The following DAB1 variants were observed in gnomAD, a reference collection of about 807,000 sequenced individuals.
The protein encoded by DAB1 is disabled homolog 1.
Under a neutral mutation model 64.6 loss-of-function variants are expected in DAB1, and 15 were observed. The ratio of observed to expected loss-of-function variants is 0.23; its 90% CI spans 0.16 to 0.36. DAB1 has a LOEUF of 0.36. Among genes scored for constraint, DAB1 ranks in the 10% least tolerant of loss-of-function variants. DAB1 has a pLI of 1.00. For synonymous variants in DAB1, 235 were observed against 251.9 expected, an observed-to-expected ratio of 0.93 and a Z score of 0.64; for missense variants, 596 against 706.7, an observed-to-expected ratio of 0.84 and a Z score of 1.78.
chr1:58,369,970 T>C (rs1328528556), intron 3 of DAB1, among the ~76,000 whole-genome samples: 2 of 152,248 alleles, frequency 1.3e-5, no homozygotes, highest in Non-Finnish European at 1.5e-5. Context: ...AAAGTATAAA[T>C]TGTTGTAGCA....
intron 1 of DAB1, among the ~76,000 whole-genome samples, chr1:57,365,566 C>T (rs963127008): frequency 6.6e-6 from 1 of 151,660 alleles, no homozygotes; most frequent in African/African-American, 2.4e-5. Flanking sequence ...ACATTAAACC[C>T]CATAACAGTT....
At chr1:57,143,519 A>G (rs1329492898) in intron 3 of DAB1, among the ~76,000 whole-genome samples, 2 of 152,200 alleles carry the variant, frequency 1.3e-5, no homozygotes, top group Admixed American at 6.5e-5. Flanking sequence ...GCCTTTTTCT[A>G]GTATACTTTA....
intron 7 of DAB1, among the ~76,000 whole-genome samples, chr1:57,450,723 C>G (rs1280852192): frequency 6.6e-6 from 1 of 152,076 alleles, no homozygotes; most frequent in Admixed American, 6.5e-5. Flanking sequence ...ACACATAAAC[C>G]TTCTTTGTTG....
chr1:57,980,912 T>TACAC (rs145692183), intron 5 of DAB1, among the ~76,000 whole-genome samples: 3 of 149,608 alleles, frequency 2.0e-5, no homozygotes, highest in East Asian at 1.9e-4. Flanking sequence ...TATATATATA[T>TACAC]ACACACACAC....
At chr1:57,240,469 AT>A (rs1668416745) in intron 2 of DAB1, among the ~76,000 whole-genome samples, 1 of 152,146 alleles carries the variant, frequency 6.6e-6, no homozygotes, top group African/African-American at 2.4e-5. Flanking sequence ...ATCATCATCC[AT>A]ATACGTCTAG....
chr1:58,070,836 G>A (rs1364576312), intron 5 of DAB1, among the ~76,000 whole-genome samples: 1 of 152,178 alleles, frequency 6.6e-6, no homozygotes, highest in East Asian at 1.9e-4. Flanking sequence ...CCGGATGAAT[G>A]GAGCTGCTGC....
intron 5 of DAB1, among the ~76,000 whole-genome samples, chr1:57,963,413 T>C (rs990607089): frequency 2.0e-5 from 3 of 152,196 alleles, no homozygotes; most frequent in African/African-American, 2.4e-5. Context: ...CCTCTGCTTC[T>C]AGATCATTGC....
rs1053351136 is a variant in DAB1, at chr1:58,109,020, G to T, written n.387+41491C>A. On this transcript the variant is annotated intron_variant and non_coding_transcript_variant, in intron 5 of 20. Transcript: ENST00000485760. Reference sequence around the variant, plus strand: ...AAGTACCTGAAATACCTTCAAGTCTGAAGATTTTCAAACTGTGTTCCAGAC... The same window carrying T: ...AAGTACCTGAAATACCTTCAAGTCTTAAGATTTTCAAACTGTGTTCCAGAC... Among the ~76,000 whole-genome samples, 3 of 152,200 alleles carry T rather than the reference G, an allele frequency of 2.0e-5. No individual in the cohort carries two copies. The South Asian group carries it at 6.2e-4, about 31-fold the overall frequency.
chr1:57,361,955 TTAA>T (rs1679587286), intron 1 of DAB1, among the ~76,000 whole-genome samples: 6 of 152,138 alleles, frequency 3.9e-5, no homozygotes. Flanking sequence ...TATTGAAGAA[TTAA>T]TAACATATCT....
chr1:58,059,989 T>C (rs898566987), intron 5 of DAB1: 1 of 152,210 alleles, frequency 6.6e-6, no homozygotes, highest in African/African-American at 2.4e-5. Context: ...AAGGGACTGA[T>C]TTCTGACTAA....
At chr1:58,527,337 T>G (rs759959079) in intron 1 of DAB1, 2 of 871,248 alleles carry the variant, frequency 2.3e-6, no homozygotes, top group Non-Finnish European at 4.0e-6. Flanking sequence ...AAACATATAC[T>G]AAGAAGAAAT....
chr1:58,455,133 G>A (rs1645180883), intron 3 of DAB1, among the ~76,000 whole-genome samples: 1 of 152,238 alleles, frequency 6.6e-6, no homozygotes, highest in Non-Finnish European at 1.5e-5. Flanking sequence ...ACTGGGAGAG[G>A]ATCCCAGGAA....
chr1:57,107,298 C>A lies in DAB1; in HGVS notation c.306+29245G>T, dbSNP rs12407883. On this transcript the variant is annotated intron_variant, in intron 4 of 14. Coordinates refer to ENST00000371236, the MANE Select transcript of DAB1 (RefSeq NM_001365792.1). ...GCTGAGGCAGGAGAATCGCTTGAAC[C>A]GGGGAGGCGGAAGTTGCAGTGAGCC... is the stretch of plus-strand genomic sequence containing the variant. Among the ~76,000 whole-genome samples the A allele has an allele frequency of 9.7e-3, 1,461 of 150,968 alleles. 30 individuals are homozygous for A. Among genetic ancestry groups the A allele is most frequent in the Admixed American group, 0.049 (736 of 15,130 alleles).
chr1:58,490,914 T>C (rs1175853122), intron 3 of DAB1, among the ~76,000 whole-genome samples: 2 of 144,588 alleles, frequency 1.4e-5, no homozygotes, highest in Non-Finnish European at 3.0e-5. Context: ...CACACCATTC[T>C]CCTGCCTCAG....
intron 11 of DAB1, among the ~76,000 whole-genome samples, chr1:57,018,396 G>C (rs1646502555): frequency 6.6e-6 from 1 of 152,162 alleles, no homozygotes; most frequent in Admixed American, 6.5e-5. Context: ...GCTCACGCCT[G>C]AGTATTTCCT....
At chr1:58,192,545 C>T (rs1001737779) in intron 4 of DAB1, among the ~76,000 whole-genome samples, 19 of 152,150 alleles carry the variant, frequency 1.2e-4, no homozygotes, top group African/African-American at 4.6e-4. Flanking sequence ...AGTTATTTCA[C>T]TTAGGATAAC....
chr1:58,247,281 A>C (rs1444148673), intron 4 of DAB1, among the ~76,000 whole-genome samples: 1 of 146,910 alleles, frequency 6.8e-6, no homozygotes, highest in Non-Finnish European at 1.5e-5. Context: ...GGTTAAATAA[A>C]TAAATAAATA....
intron 6 of DAB1, among the ~76,000 whole-genome samples, chr1:57,733,934 A>G (rs1647559325): frequency 6.6e-6 from 1 of 152,044 alleles, no homozygotes; most frequent in Non-Finnish European, 1.5e-5. Context: ...TTATCTTAGG[A>G]GTTCAGGAAA....
chr1:57,187,217 C>T (rs6678870), intron 2 of DAB1, among the ~76,000 whole-genome samples: 103 of 152,266 alleles, frequency 6.8e-4, no homozygotes, highest in African/African-American at 2.3e-3. Flanking sequence ...CCTTTGACCA[C>T]TAGGAAGCTC....
Sources: allele counts gnomAD v4.1 joint callset (sites outside exome capture counted in the v4.1 genomes callset), GRCh38; gene constraint gnomAD v4.1.1; transcripts MANE v1.5; gene names NCBI Gene and HGNC (gene_info 2026-07-23, HGNC 2026-07-21).